Variants in PARD6G observed in about 807,000 individuals in gnomAD.
PARD6G encodes the protein partitioning defective 6 homolog gamma.
A neutral mutation model predicts 10.7 loss-of-function variants in PARD6G; 7 were observed. The ratio of observed to expected loss-of-function variants is 0.66; its 90% CI spans 0.37 to 1.23. The LOEUF (loss-of-function observed/expected upper bound fraction) is 1.23, where lower values mean the gene tolerates loss of function less well. PARD6G is among the 50% of genes most tolerant of loss of function. The pLI is 0.02. For synonymous variants in PARD6G, 287 were observed against 269.4 expected (o/e 1.07, Z -0.64); for missense variants, 548 against 571.8 (o/e 0.96, Z 0.42).
intron 2 of PARD6G, among the ~76,000 whole-genome samples, chr18:80,193,967 T>C (rs1198043471): frequency 6.6e-6 from 1 of 152,108 alleles, no homozygotes; most frequent in Non-Finnish European, 1.5e-5. Flanking sequence ...GGCTGAATCA[T>C]TTTCCAACAG....
At chr18:80,224,583 C>G (rs1233867552) in intron 1 of PARD6G, among the ~76,000 whole-genome samples, 4 of 152,204 alleles carry the variant, frequency 2.6e-5, no homozygotes, top group Admixed American at 1.3e-4. Context: ...TGCGGTGGCT[C>G]ACGCCTGTAA....
chr18:80,173,628 A>C lies in PARD6G; in HGVS notation c.296-13022T>G, dbSNP rs540235350. Among the ~76,000 whole-genome samples the C allele has an allele frequency of 1.8e-4, 28 of 152,280 alleles. No individual in the cohort carries two copies. In the South Asian group the frequency reaches 4.8e-3, roughly 26 times the overall value. Reference sequence around the variant, plus strand: ...TGTCAGAGCAAGACTTCATCTAAAAAAAAAAGGGGGCAAACCCTGGGGAGA... The same window carrying C: ...TGTCAGAGCAAGACTTCATCTAAAACAAAAAGGGGGCAAACCCTGGGGAGA... On this transcript the variant is annotated intron_variant, in intron 2 of 2. Coordinates refer to ENST00000353265, the MANE Select transcript of PARD6G (RefSeq NM_032510.4).
chr18:80,179,225 T>C (rs896440318), intron 2 of PARD6G, among the ~76,000 whole-genome samples: 1 of 90,682 alleles, frequency 1.1e-5, no homozygotes, highest in Non-Finnish European at 2.6e-5. Flanking sequence ...CTGCAGTCAT[T>C]TTTTTTTTTT....
chr18:80,182,290 G>C lies in PARD6G; in HGVS notation c.295+20420C>G, dbSNP rs540071523. ...CCCCAGCCCTCCCTGAAGGGTGGCA[G>C]CTGATGCCTGTGTGCCTGAAGGCAG... On this transcript the variant is annotated intron_variant, in intron 2 of 2. Coordinates refer to ENST00000353265, the MANE Select transcript of PARD6G (RefSeq NM_032510.4). This position sits in a 1 kb window ranked among gnomAD's most constrained non-coding sequence, Gnocchi z 4.5. Among the ~76,000 whole-genome samples the C allele has an allele frequency of 6.6e-6, 1 of 152,356 alleles. No homozygotes were observed. Among genetic ancestry groups the C allele is most frequent in the East Asian group, 1.9e-4 (1 of 5,182 alleles).
At chr18:80,238,739 G>C (rs529990154) in intron 1 of PARD6G, among the ~76,000 whole-genome samples, 1 of 152,048 alleles carries the variant, frequency 6.6e-6, no homozygotes, top group East Asian at 1.9e-4. Flanking sequence ...GTTGGGCTAA[G>C]GGGGTCTGGG....
At chr18:80,190,615 A>G (rs1000696881) in intron 2 of PARD6G, among the ~76,000 whole-genome samples, 2 of 152,128 alleles carry the variant, frequency 1.3e-5, no homozygotes, top group African/African-American at 4.8e-5. Context: ...GTGGCTCTGA[A>G]AAGTCACACG....
At position 80,201,480 on chromosome 18, in the gene PARD6G, C is replaced by G. The variant is rs12458930; in HGVS notation, c.295+1230G>C. ...AAGGACTGATGTGGAAGCTGAAGCT[C>G]AGCCCGTCCCCCAGGCCACTGTGAG... On this transcript the variant is annotated intron_variant, in intron 2 of 2. Transcript: ENST00000353265. The surrounding 1 kb of genome is among the most constrained non-coding windows in gnomAD (Gnocchi z 5.9). 0.33 allele frequency among the ~76,000 whole-genome samples: 49,805 copies of G among 152,028 alleles called. 8,619 individuals are homozygous for G. Among genetic ancestry groups the G allele is most frequent in the South Asian group, 0.57 (2,733 of 4,820 alleles).
rs1359195280 is a variant in PARD6G, at chr18:80,246,136, G to C, written c.72+1141C>G. Among the ~76,000 whole-genome samples, 1 of 152,112 alleles carries C rather than the reference G, an allele frequency of 6.6e-6. No individual in the cohort carries two copies. The highest frequency in any genetic ancestry group is 2.4e-5 in the African/African-American group (1 of 41,412). ...GCCCTGCGCCCAAGATAGGCACACA[G>C]TTAGGGGTGCGGGCTCCCACTCCGC... On this transcript the variant is annotated intron_variant, in intron 1 of 2. Coordinates refer to ENST00000353265, the MANE Select transcript of PARD6G (RefSeq NM_032510.4). This position sits in a 1 kb window ranked among gnomAD's most constrained non-coding sequence, Gnocchi z 6.7.
chr18:80,163,404 C>A (rs1344940422), intron 2 of PARD6G, among the ~76,000 whole-genome samples: 1 of 151,966 alleles, frequency 6.6e-6, no homozygotes, highest in Non-Finnish European at 1.5e-5. Context: ...GGAGAGGTGA[C>A]ACCTACTGTT....
rs896108082 is a variant in PARD6G at position 80,184,377 on chromosome 18, A to G, written c.295+18333T>C. 2.6e-5 allele frequency: 4 copies of G among 152,232 alleles called. No homozygotes were observed. Among genetic ancestry groups the G allele is most frequent in the African/African-American group, 9.7e-5 (4 of 41,446 alleles). 9.4% of individuals were successfully genotyped at this position (152,232 alleles called of 1,614,324 possible). On this transcript the variant is annotated intron_variant, in intron 2 of 2. Coordinates refer to ENST00000353265, the MANE Select transcript of PARD6G (RefSeq NM_032510.4). The surrounding 1 kb of genome is among the most constrained non-coding windows in gnomAD (Gnocchi z 4.5). The stretch of plus-strand genomic sequence containing the variant: ...TCACAGTGGCCAGGAGGTGGAAACA[A>G]CCCCGATGTCCATCAACTGATGAAC...
At chr18:80,165,836 C>A (rs1290803265) in intron 2 of PARD6G, among the ~76,000 whole-genome samples, 1 of 152,206 alleles carries the variant, frequency 6.6e-6, no homozygotes, top group Non-Finnish European at 1.5e-5. Context: ...AATCCCAGCA[C>A]TTTGGAAGGC....
chr18:80,206,998 G>A (rs1967061160), intron 1 of PARD6G, among the ~76,000 whole-genome samples: 1 of 150,698 alleles, frequency 6.6e-6, no homozygotes, highest in African/African-American at 2.4e-5. Context: ...TGGATGGCTA[G>A]TGATTATCAA....
intron 2 of PARD6G, among the ~76,000 whole-genome samples, chr18:80,199,181 G>A (rs1244971337): frequency 1.3e-5 from 2 of 152,206 alleles, no homozygotes; most frequent in Non-Finnish European, 2.9e-5. Context: ...GGGACACAGG[G>A]TTAGGTTCCT....
At chr18:80,209,464 A>C (rs1967085869) in intron 1 of PARD6G, among the ~76,000 whole-genome samples, 1 of 152,164 alleles carries the variant, frequency 6.6e-6, no homozygotes, top group African/African-American at 2.4e-5. Flanking sequence ...TCATCTTTTA[A>C]AATTATTAAA....
chr18:80,224,444 T>C (rs1045255502), intron 1 of PARD6G, among the ~76,000 whole-genome samples: 1 of 152,228 alleles, frequency 6.6e-6, no homozygotes, highest in Non-Finnish European at 1.5e-5. Context: ...CTCCTCATCA[T>C]GTGAGGTTCT....
At chr18:80,227,696 G>A (rs976908999) in intron 1 of PARD6G, among the ~76,000 whole-genome samples, 4 of 152,212 alleles carry the variant, frequency 2.6e-5, no homozygotes, top group Admixed American at 6.5e-5. Context: ...CAGGCACTGC[G>A]TCTGTTGCAG....
intron 2 of PARD6G, among the ~76,000 whole-genome samples, chr18:80,174,975 G>A (rs1232492976): frequency 6.6e-6 from 1 of 152,066 alleles, no homozygotes; most frequent in East Asian, 1.9e-4. Flanking sequence ...AATGTCCATT[G>A]TAAAAAAACA....
intron 1 of PARD6G, among the ~76,000 whole-genome samples, chr18:80,244,881 T>C (rs1360600075): frequency 6.6e-6 from 1 of 152,022 alleles, no homozygotes; most frequent in Non-Finnish European, 1.5e-5. Context: ...AGTGGGTAAG[T>C]GGGAAGCTGT....
chr18:80,244,862 T>C (rs536437931), intron 1 of PARD6G, among the ~76,000 whole-genome samples: 14 of 152,092 alleles, frequency 9.2e-5, no homozygotes, highest in Non-Finnish European at 1.5e-4. Flanking sequence ...TAACAAATAT[T>C]AACCATAAAG....
Sources: gnomAD v4.1 joint callset for allele counts (sites outside exome capture counted in the v4.1 genomes callset) on GRCh38, gnomAD v4.1.1 for gene constraint, Gnocchi (gnomAD v3.1) non-coding constraint, MANE v1.5 for transcripts, NCBI Gene and HGNC (gene_info 2026-07-23, HGNC 2026-07-21) for gene names.